The following NFATC2IP variants were observed in gnomAD, a reference collection of about 807,000 sequenced individuals.
NFATC2IP encodes nuclear factor of activated T cells 2 interacting protein.
In NFATC2IP, 25 loss-of-function variants were observed where a neutral mutation model predicts 40.2. The observed-to-expected ratio is 0.62, with a 90% CI of 0.45 to 0.87. The LOEUF is 0.87. Among genes scored for constraint, NFATC2IP ranks in the 40% least tolerant of loss-of-function variants. The pLI, the probability that NFATC2IP is intolerant of heterozygous loss-of-function variation, is 0.00. For synonymous variants in NFATC2IP, 241 were observed against 236.3 expected (o/e 1.02, Z -0.18); for missense variants, 553 against 555.6 (o/e 1.00, Z 0.05).
At chr16:28,958,394 C>A in intron 5 of NFATC2IP, 1 of 213,720 alleles carries the variant, frequency 4.7e-6, no homozygotes, top group East Asian at 1.1e-4. Flanking sequence ...AGATGTCATA[C>A]TGGCCCACGT....
chr16:28,961,866 C>T (rs1340310449), intron 7 of NFATC2IP, among the ~76,000 whole-genome samples: 1 of 144,950 alleles, frequency 6.9e-6, no homozygotes, highest in African/African-American at 2.6e-5. Flanking sequence ...AGCCACTGCA[C>T]TCCAGCCTGG....
At chr16:28,958,947 C>T in intron 6 of NFATC2IP, 44 bp from the exon 7 acceptor site, 1 of 1,604,068 alleles carries the variant, frequency 6.2e-7, no homozygotes, top group South Asian at 1.1e-5. Flanking sequence ...GCCCTGCTTC[C>T]AAGCCCCCAC....
rs1965137380 is a variant in NFATC2IP at position 28,965,651 on chromosome 16, C to G, written c.*1788C>G. The G allele has an allele frequency of 6.6e-6, 1 of 152,022 alleles. No homozygotes were observed. Among genetic ancestry groups the G allele is most frequent in the Admixed American group, 6.6e-5 (1 of 15,258 alleles). The allele number at this position is 152,022 out of a possible 1,614,324, so 9.4% of individuals were successfully genotyped here. A position where few individuals can be genotyped will look rare whatever the true frequency, so the allele number is the denominator to read the frequency against. On this transcript the variant is annotated 3_prime_UTR_variant, in exon 8 of 8. Transcript: ENST00000320805. ...GAGATTGCAGTGAGCCAAGGTTCCA[C>G]CACTGCACTCCAGCCTGGCGACAGA...
At chr16:28,951,603 C>T (rs970528161) in intron 1 of NFATC2IP, among the ~76,000 whole-genome samples, 2 of 151,844 alleles carry the variant, frequency 1.3e-5, no homozygotes, top group Non-Finnish European at 2.9e-5. Context: ...GGGTGGGATG[C>T]GTTGGAAGTT....
chr16:28,961,938 C>G (rs978255385), intron 7 of NFATC2IP, among the ~76,000 whole-genome samples: 1 of 145,422 alleles, frequency 6.9e-6, no homozygotes, highest in Admixed American at 6.8e-5. Flanking sequence ...GGGTCTTGCT[C>G]TGTTGCCCAG....
chr16:28,954,273 C>A (rs908846205), intron 2 of NFATC2IP, among the ~76,000 whole-genome samples: 1 of 152,028 alleles, frequency 6.6e-6, no homozygotes, highest in African/African-American at 2.4e-5. Flanking sequence ...TTGTGATGAT[C>A]TTTTATTGAC....
Position 28,952,065 on chromosome 16 carries a change from C to G in NFATC2IP, c.388-67C>G. On this transcript the variant is annotated intron_variant, in intron 1 of 7. Coordinates refer to ENST00000320805, the MANE Select transcript of NFATC2IP (RefSeq NM_032815.4). ...GAGCTGGGTGTCAGGGAAGAATTAC[C>G]CCCAATTTTTTCTTTCGGTAGGGGA... 7.5e-6 allele frequency: 12 copies of G among 1,605,998 alleles called. No individual in the cohort carries two copies. The Middle Eastern group carries it at 5.0e-4, about 67-fold the overall frequency.
At chr16:28,960,062 C>A (rs989447017) in intron 7 of NFATC2IP, among the ~76,000 whole-genome samples, 1 of 152,100 alleles carries the variant, frequency 6.6e-6, no homozygotes, top group Non-Finnish European at 1.5e-5. Context: ...GGCCAGAGTT[C>A]CTTGGCTTGC....
At chr16:28,958,351 C>A (rs896989693) in intron 5 of NFATC2IP, 1 of 157,122 alleles carries the variant, frequency 6.4e-6, no homozygotes. Flanking sequence ...AGCGAAACTC[C>A]GTCTCAAAAA....
At position 28,952,220 on chromosome 16, in the gene NFATC2IP, C is replaced by A. The variant is rs1399732556; in HGVS notation, c.460+16C>A. On this transcript the variant is annotated intron_variant, in intron 2 of 7. Coordinates refer to ENST00000320805, the MANE Select transcript of NFATC2IP (RefSeq NM_032815.4). Reference sequence around the variant, plus strand: ...GATGAGGAAGGTAAGGGAGGGCCTCCAGGGAGAGGCACGCAGCCGCTGGCT... The same window carrying A: ...GATGAGGAAGGTAAGGGAGGGCCTCAAGGGAGAGGCACGCAGCCGCTGGCT... The A allele has an allele frequency of 6.2e-7, 1 of 1,613,118 alleles. No homozygotes were observed. Among genetic ancestry groups the A allele is most frequent in the Admixed American group, 1.7e-5 (1 of 59,804 alleles).
chr16:28,957,756 G>A (rs893127222), intron 5 of NFATC2IP: 2 of 152,162 alleles, frequency 1.3e-5, no homozygotes, highest in African/African-American at 4.8e-5. Flanking sequence ...GGGATTATAG[G>A]TGTGAGCCAT....
At chr16:28,958,560 A>G in intron 5 of NFATC2IP, 157 bp from the exon 6 acceptor site, 3 of 660,872 alleles carry the variant, frequency 4.5e-6, no homozygotes, top group Non-Finnish European at 5.4e-6. Flanking sequence ...CCTTGCTGAC[A>G]CGATTTTATT....
chr16:28,951,314 AC>A lies in NFATC2IP; in HGVS notation c.308del (p.Pro103ArgfsTer42). The A allele has an allele frequency of 1.4e-6, 2 of 1,402,998 alleles. No individual in the cohort carries two copies. The highest frequency in any genetic ancestry group is 2.9e-5 in the East Asian group (1 of 34,054). 86.9% of individuals were successfully genotyped at this position (1,402,998 alleles called of 1,614,324 possible). A position where few individuals can be genotyped will look rare whatever the true frequency, so the allele number is the denominator to read the frequency against. On this transcript the variant is annotated frameshift_variant, in exon 1 of 8. Transcript: ENST00000320805. ...SEGEDRRPAG[P>X]PREPVRRRRR... Reference sequence around the variant, plus strand: ...AAGGGGAGGACAGGCGGCCCGCAGGACCCCCGCGGGAGCCGGTCAGGCGGCG... The same window carrying A: ...AAGGGGAGGACAGGCGGCCCGCAGGACCCCGCGGGAGCCGGTCAGGCGGCG...
At position 28,954,677 on chromosome 16, in the gene NFATC2IP, G is replaced by A. The variant is rs759549037; in HGVS notation, c.573G>A (p.Glu191=). 83 of 1,604,878 alleles carry A rather than the reference G, an allele frequency of 5.2e-5. 1 individual carries two copies. In the East Asian group the frequency reaches 6.0e-4, roughly 12 times the overall value. The change falls in exon 3 of 8, where the codon GAG becomes GAA. Residue 191 remains glutamate (E), a synonymous_variant. Transcript: ENST00000320805. ...TKDKEEKKKT[E]FLDLDNSPLS... is the part of the protein sequence containing the mutation. ...ATAAAGAAGAGAAGAAAAAGACAGAGTTTCTGTGAGTGAGGCCAGGGCCCT... is the reference window on the plus strand; with the variant it reads ...ATAAAGAAGAGAAGAAAAAGACAGAATTTCTGTGAGTGAGGCCAGGGCCCT...
Position 28,951,215 on chromosome 16 carries a change from G to C in NFATC2IP, c.204G>C (p.Ala68=). 6.5e-7 allele frequency: 1 copy of C among 1,534,714 alleles called. No homozygotes were observed. Among genetic ancestry groups the C allele is most frequent in the Non-Finnish European group, 8.8e-7 (1 of 1,138,110 alleles). Residue 68 remains alanine (A), a synonymous_variant, in exon 1 of 8, where the codon GCG becomes GCC. Transcript: ENST00000320805. ...AGGTCGCCACCGCTCGCGGTGCCGC[G>C]GACGAGGTTGAGGTGGAGCCCCCGG... ...ILEVATARGA[A]DEVEVEPPEP... is the part of the protein sequence containing the mutation.
At chr16:28,961,964 TGCGATCTTGGCTTACCACA>T (rs1965093607) in intron 7 of NFATC2IP, among the ~76,000 whole-genome samples, 1 of 143,722 alleles carries the variant, frequency 7.0e-6, no homozygotes, top group Non-Finnish European at 1.5e-5. Flanking sequence ...AGTGCAGTGG[TGCGATCTTGGCTTACCACA>T]GCCTCAAACT....
chr16:28,952,457 A>G, intron 2 of NFATC2IP: 1 of 483,936 alleles, frequency 2.1e-6, no homozygotes, highest in Non-Finnish European at 3.6e-6. Context: ...TAAGGTGTTG[A>G]GAATCTGTGA....
At chr16:28,951,977 G>A (rs188472152) in intron 1 of NFATC2IP, among the ~76,000 whole-genome samples, 155 bp from the exon 2 acceptor site, 1 of 152,300 alleles carries the variant, frequency 6.6e-6, no homozygotes, top group East Asian at 1.9e-4. Context: ...GAATCCTGGG[G>A]AAGCTGGACT....
Position 28,951,048 on chromosome 16 carries a change from G to T in NFATC2IP, c.37G>T (p.Gly13Ter), listed in dbSNP as rs781000184. ...EPVGKRGRWS[G>*]GSGAGRGGRG... ...TGTGGGGAAGCGGGGCCGCTGGTCC[G>T]GAGGTAGCGGTGCCGGCCGAGGGGG... Residue 13 changes from glycine to a stop codon, truncating the protein, a stop_gained, in exon 1 of 8, where the codon GGA becomes TGA. Transcript: ENST00000320805. LOFTEE classifies it high-confidence loss of function. 3 of 1,540,674 alleles carry T rather than the reference G, an allele frequency of 1.9e-6. No individual in the cohort carries two copies. The highest frequency in any genetic ancestry group is 2.6e-6 in the Non-Finnish European group (3 of 1,144,272).
Sources: allele counts gnomAD v4.1 joint callset (sites outside exome capture counted in the v4.1 genomes callset), GRCh38; gene constraint gnomAD v4.1.1; transcripts MANE v1.5; gene names NCBI Gene and HGNC (gene_info 2026-07-23, HGNC 2026-07-21).